PTPRM: variants seen among roughly 807,000 people sequenced by gnomAD.
The protein encoded by PTPRM is protein tyrosine phosphatase receptor type M, also known as receptor-type tyrosine-protein phosphatase mu.
A neutral mutation model predicts 186.7 loss-of-function variants in PTPRM; 47 were observed. The ratio of observed to expected loss-of-function variants is 0.25; its 90% CI spans 0.20 to 0.32. The LOEUF (loss-of-function observed/expected upper bound fraction) is 0.32. PTPRM is among the 10% of genes least tolerant of loss of function. The probability of loss-of-function intolerance (pLI) is 1.00; values close to 1 mark genes in which losing one functional copy is unlikely to be tolerated. For synonymous variants in PTPRM, 668 were observed against 674.9 expected, an observed-to-expected ratio of 0.99 and a Z score of 0.16; for missense variants, 1,494 against 1,865.0, an observed-to-expected ratio of 0.80 and a Z score of 3.66.
intron 19 of PTPRM, among the ~76,000 whole-genome samples, chr18:8,280,779 A>G (rs1045190170): frequency 6.6e-6 from 1 of 152,112 alleles, no homozygotes; most frequent in Non-Finnish European, 1.5e-5. Context: ...ACCACGCACA[A>G]TGGCTGTGCA....
intron 4 of PTPRM, among the ~76,000 whole-genome samples, chr18:7,910,790 G>A (rs1390159141): frequency 6.6e-6 from 1 of 152,162 alleles, no homozygotes. Context: ...AAAAGTTGGG[G>A]GAGGCAGTGT....
chr18:7,770,675 C>T (rs368957496), intron 1 of PTPRM, among the ~76,000 whole-genome samples: 17 of 152,262 alleles, frequency 1.1e-4, no homozygotes, highest in African/African-American at 2.9e-4. Flanking sequence ...TGGGGATATG[C>T]GTGTGTTTGA....
intron 1 of PTPRM, among the ~76,000 whole-genome samples, chr18:7,719,782 G>A (rs2040412554): frequency 6.6e-6 from 1 of 152,116 alleles, no homozygotes; most frequent in Admixed American, 6.6e-5. Context: ...AGAGGCTTAA[G>A]AATTACACAT....
intron 7 of PTPRM, among the ~76,000 whole-genome samples, chr18:8,054,030 C>T (rs1600279861): frequency 6.6e-6 from 1 of 151,966 alleles, no homozygotes; most frequent in South Asian, 2.1e-4. Flanking sequence ...GTAGGTCCTG[C>T]TTGTTTGCCA....
intron 23 of PTPRM, among the ~76,000 whole-genome samples, chr18:8,369,842 T>G (rs2095653352): frequency 6.6e-6 from 1 of 152,106 alleles, no homozygotes; most frequent in East Asian, 1.9e-4. Context: ...CCTAGTTACT[T>G]GGGAGGCTGA....
intron 1 of PTPRM, among the ~76,000 whole-genome samples, chr18:7,652,695 T>C (rs866703610): frequency 1.4e-4 from 19 of 139,166 alleles, no homozygotes; most frequent in South Asian, 2.3e-4. Context: ...TAGGTGGGAA[T>C]TGAACAGTGA....
intron 23 of PTPRM, among the ~76,000 whole-genome samples, chr18:8,352,057 C>T (rs945350537): frequency 1.3e-5 from 2 of 152,236 alleles, no homozygotes; most frequent in African/African-American, 4.8e-5. Context: ...TTTAACCCAA[C>T]ATTTAGTGCT....
At chr18:7,654,155 T>C (rs1221440390) in intron 1 of PTPRM, among the ~76,000 whole-genome samples, 1 of 152,206 alleles carries the variant, frequency 6.6e-6, no homozygotes, top group African/African-American at 2.4e-5. Context: ...TTGCCCACTT[T>C]TTAAGGCAGT....
At chr18:7,848,140 G>A (rs754530506) in intron 2 of PTPRM, among the ~76,000 whole-genome samples, 1 of 152,144 alleles carries the variant, frequency 6.6e-6, no homozygotes, top group Non-Finnish European at 1.5e-5. Flanking sequence ...CCCCTTCACT[G>A]TCCTCCCCAC....
chr18:7,723,516 A>G (rs2040488646), intron 1 of PTPRM, among the ~76,000 whole-genome samples: 1 of 152,120 alleles, frequency 6.6e-6, no homozygotes, highest in Admixed American at 6.5e-5. Context: ...AGTGTCTAAG[A>G]ATGAGACCTC....
chr18:7,725,245 C>T (rs952149067), intron 1 of PTPRM, among the ~76,000 whole-genome samples: 3 of 152,136 alleles, frequency 2.0e-5, no homozygotes, highest in Non-Finnish European at 4.4e-5. Context: ...TTTTGTAAGG[C>T]AACTTTTTTG....
chr18:7,601,172 A>T (rs1218238004), intron 1 of PTPRM, among the ~76,000 whole-genome samples: 2 of 152,322 alleles, frequency 1.3e-5, no homozygotes, highest in Non-Finnish European at 2.9e-5. Context: ...TGGCTGTTGT[A>T]TCCAAATTAC....
At chr18:8,142,313 A>G (rs771960382) in intron 13 of PTPRM, among the ~76,000 whole-genome samples, 1 of 152,112 alleles carries the variant, frequency 6.6e-6, no homozygotes, top group Non-Finnish European at 1.5e-5. Flanking sequence ...CGAGCTTCCA[A>G]TTTGCTTCTT....
At chr18:7,999,304 G>A (rs1257780230) in intron 7 of PTPRM, among the ~76,000 whole-genome samples, 1 of 152,164 alleles carries the variant, frequency 6.6e-6, no homozygotes, top group Non-Finnish European at 1.5e-5. Flanking sequence ...GCACTGGCTA[G>A]AAATTGACAT....
At chr18:8,123,784 A>G (rs1455290788) in intron 13 of PTPRM, among the ~76,000 whole-genome samples, 2 of 152,276 alleles carry the variant, frequency 1.3e-5, no homozygotes, top group East Asian at 1.9e-4. Context: ...CTTGAAGGTT[A>G]TTGGGATCCT....
Position 7,567,693 on chromosome 18 carries a change from C to G in PTPRM, c.-126C>G. 2.4e-6 allele frequency: 2 copies of G among 846,464 alleles called. No individual in the cohort carries two copies. 52.4% of individuals were successfully genotyped at this position (846,464 alleles called of 1,614,324 possible). A position where few individuals can be genotyped will look rare whatever the true frequency, so the allele number is the denominator to read the frequency against. ...TCTGCAACTGTTGGCACTTTGGGGGCTTGGCTTAGCGCTCTGCTGTTTACC... is the reference window on the plus strand; with the variant it reads ...TCTGCAACTGTTGGCACTTTGGGGGGTTGGCTTAGCGCTCTGCTGTTTACC... On this transcript the variant is annotated 5_prime_UTR_variant, in exon 1 of 33. Transcript: ENST00000580170. The surrounding 1 kb of genome is among the most constrained non-coding windows in gnomAD (Gnocchi z 4.3).
rs143626530 is a variant in PTPRM, at chr18:8,392,835, G to C, written c.4209-1641G>C. On this transcript the variant is annotated intron_variant, in intron 31 of 32. Coordinates refer to ENST00000580170, the MANE Select transcript of PTPRM (RefSeq NM_001105244.2). ...AACAATGTGAACAAAATCAATATTA[G>C]TACCCTTGGATTTTAGCTGATAGAA... Among the ~76,000 whole-genome samples the C allele has an allele frequency of 2.5e-3, 380 of 152,216 alleles. 2 individuals are homozygous for C. The highest frequency in any genetic ancestry group is 8.7e-3 in the African/African-American group (362 of 41,534).
Position 8,394,676 on chromosome 18 carries a change from C to T in PTPRM, c.4344+65C>T, listed in dbSNP as rs2148601714. On this transcript the variant is annotated intron_variant, in intron 32 of 32. Coordinates refer to ENST00000580170, the MANE Select transcript of PTPRM (RefSeq NM_001105244.2). Reference sequence around the variant, plus strand: ...TTAGCATTAGAATCCACTCCAGCTCCCAGATTTGCAGGGAAACTGATGCGT... The same window carrying T: ...TTAGCATTAGAATCCACTCCAGCTCTCAGATTTGCAGGGAAACTGATGCGT... The T allele has an allele frequency of 4.1e-6, 6 of 1,451,172 alleles. No individual in the cohort carries two copies. In the South Asian group the frequency reaches 4.4e-5, roughly 11 times the overall value. 89.9% of individuals were successfully genotyped at this position (1,451,172 alleles called of 1,614,324 possible). A position where few individuals can be genotyped will look rare whatever the true frequency, so the allele number is the denominator to read the frequency against.
intron 7 of PTPRM, among the ~76,000 whole-genome samples, chr18:7,959,546 C>A (rs2053531835): frequency 6.6e-6 from 1 of 152,202 alleles, no homozygotes; most frequent in Non-Finnish European, 1.5e-5. Flanking sequence ...AGTCTCATTA[C>A]CTGGTTGGAT....
Sources: gnomAD v4.1 joint callset for allele counts (sites outside exome capture counted in the v4.1 genomes callset) on GRCh38, gnomAD v4.1.1 for gene constraint, Gnocchi (gnomAD v3.1) non-coding constraint, MANE v1.5 for transcripts, NCBI Gene and HGNC (gene_info 2026-07-23, HGNC 2026-07-21) for gene names.